PPP3CA: variants seen among roughly 807,000 people sequenced by gnomAD.
The protein encoded by PPP3CA is protein phosphatase 3 catalytic subunit alpha, also known as CAM-PRP catalytic subunit.
A neutral mutation model predicts 66.5 loss-of-function variants in PPP3CA; 14 were observed. The observed-to-expected ratio is 0.21, with a 90% CI of 0.14 to 0.33. PPP3CA has a LOEUF of 0.33. Ranked by LOEUF, PPP3CA falls within the 10% of genes least tolerant of loss-of-function variation. PPP3CA has a pLI of 1.00. For synonymous variants in PPP3CA, 232 were observed against 226.2 expected, an observed-to-expected ratio of 1.03 and a Z score of -0.23; for missense variants, 317 against 639.5, an observed-to-expected ratio of 0.50 and a Z score of 5.44.
At chr4:101,269,990 G>A (rs184277305) in intron 1 of PPP3CA, among the ~76,000 whole-genome samples, 2 of 152,166 alleles carry the variant, frequency 1.3e-5, no homozygotes, top group Non-Finnish European at 2.9e-5. Flanking sequence ...AATGTTAGAA[G>A]GAGTTCCTAC....
At chr4:101,330,161 A>C in intron 1 of PPP3CA, 2 of 368,858 alleles carry the variant, frequency 5.4e-6, no homozygotes, top group Non-Finnish European at 1.1e-5. Context: ...CATTAACAAG[A>C]GTTTGAAATA....
chr4:101,347,157 C>T lies in PPP3CA; in HGVS notation c.-361G>A, dbSNP rs1002567063. The T allele has an allele frequency of 4.9e-6, 2 of 407,108 alleles. No individual in the cohort carries two copies. The highest frequency in any genetic ancestry group is 4.5e-6 in the Non-Finnish European group (1 of 222,572). The allele number at this position is 407,108 out of a possible 1,614,324, so 25.2% of individuals were successfully genotyped here. On this transcript the variant is annotated 5_prime_UTR_variant, in exon 1 of 14. Transcript: ENST00000394854. Reference sequence around the variant, plus strand: ...GCGCACACACGAGCACCCACCCCGGCACGGAGACCCAGCACCGCGGAATGG... The same window carrying T: ...GCGCACACACGAGCACCCACCCCGGTACGGAGACCCAGCACCGCGGAATGG...
chr4:101,033,290 ACAAACACACACACACAC>A (rs1560571184), intron 11 of PPP3CA, among the ~76,000 whole-genome samples: 37 of 88,590 alleles, frequency 4.2e-4, no homozygotes, highest in African/African-American at 1.4e-3. Flanking sequence ...ACACACACAC[ACAAACACACACACACAC>A]ACACACACAC....
chr4:101,048,178 A>C (rs1188299644), intron 10 of PPP3CA, among the ~76,000 whole-genome samples: 1 of 152,142 alleles, frequency 6.6e-6, no homozygotes, highest in Admixed American at 6.6e-5. Context: ...TTTGAGAAAG[A>C]GGAGGCGGGA....
chr4:101,249,478 G>A (rs1459331498), intron 1 of PPP3CA, among the ~76,000 whole-genome samples: 2 of 150,630 alleles, frequency 1.3e-5, no homozygotes, highest in Non-Finnish European at 3.0e-5. Context: ...GGAAAGACGT[G>A]TGTGTGTGTG....
chr4:101,341,118 G>A (rs1283103071), intron 1 of PPP3CA, among the ~76,000 whole-genome samples: 1 of 151,468 alleles, frequency 6.6e-6, no homozygotes, highest in East Asian at 1.9e-4. Flanking sequence ...ATTTTACATA[G>A]TTAATTATTT....
At position 101,094,644 on chromosome 4, in the gene PPP3CA, A is replaced by G. The variant is rs116615672; in HGVS notation, c.643-729T>C. ...TCTTCAGTTCACAGTTCTAAGCTTT[A>G]TAATTTTACCTGAAGCCTTCATATG... is the stretch of plus-strand genomic sequence containing the variant. On this transcript the variant is annotated intron_variant, in intron 5 of 13. Coordinates refer to ENST00000394854, the MANE Select transcript of PPP3CA (RefSeq NM_000944.5). Among the ~76,000 whole-genome samples, 1,349 of 152,292 alleles carry G rather than the reference A, an allele frequency of 8.9e-3. 25 individuals are homozygous for G. Among genetic ancestry groups the G allele is most frequent in the African/African-American group, 0.031 (1,293 of 41,566 alleles).
At chr4:101,089,991 A>T (rs1217352932) in intron 6 of PPP3CA, among the ~76,000 whole-genome samples, 2 of 152,220 alleles carry the variant, frequency 1.3e-5, no homozygotes, top group Non-Finnish European at 2.9e-5. Flanking sequence ...TAAACACACA[A>T]ACTACACATA....
chr4:101,224,874 C>T (rs750051434), intron 1 of PPP3CA, among the ~76,000 whole-genome samples: 1 of 151,732 alleles, frequency 6.6e-6, no homozygotes, highest in Non-Finnish European at 1.5e-5. Context: ...AGCCAAAGCC[C>T]TCACAAGGTA....
In PPP3CA at chr4:101,298,841, CTGTGTGTGTGTGTG is replaced by C. The variant is rs57507050; in HGVS notation, c.58+47884_58+47897del. ...AGTCCCCAAATTGTTCAAGGGTCTACTGTGTGTGTGTGTGTGTGTGTGTGTGTGTGTGTGTGTGT... is the reference window on the plus strand; with the variant it reads ...AGTCCCCAAATTGTTCAAGGGTCTACTGTGTGTGTGTGTGTGTGTGTGTGT... On this transcript the variant is annotated intron_variant, in intron 1 of 13. Transcript: ENST00000394854. 8.6e-3 allele frequency among the ~76,000 whole-genome samples: 1,203 copies of C among 140,080 alleles called. 13 individuals carry two copies. Among genetic ancestry groups the C allele is most frequent in the African/African-American group, 0.029 (1,116 of 38,308 alleles). The allele number at this position is 140,080 out of a possible 152,430, so 91.9% of individuals were successfully genotyped here. A position where few individuals can be genotyped will look rare whatever the true frequency, so the allele number is the denominator to read the frequency against.
chr4:101,063,418 C>A, intron 8 of PPP3CA, 61 bp from the exon 9 acceptor site: 1 of 1,522,146 alleles, frequency 6.6e-7, no homozygotes, highest in African/African-American at 1.4e-5. Flanking sequence ...CTATGTATGG[C>A]TTTAGCTCAT....
intron 2 of PPP3CA, among the ~76,000 whole-genome samples, chr4:101,130,635 T>A (rs1384332372): frequency 3.3e-5 from 5 of 151,874 alleles, no homozygotes; most frequent in African/African-American, 1.2e-4. Context: ...CCCAGAATTT[T>A]ATATCCAGCC....
chr4:101,217,844 T>C (rs942630333), intron 1 of PPP3CA, among the ~76,000 whole-genome samples: 3 of 152,060 alleles, frequency 2.0e-5, no homozygotes, highest in African/African-American at 7.2e-5. Context: ...AGTGTCTGGA[T>C]GAGGCAGAAA....
intron 11 of PPP3CA, among the ~76,000 whole-genome samples, chr4:101,035,288 AC>A (rs1207977372): frequency 1.3e-5 from 2 of 151,050 alleles, no homozygotes; most frequent in Non-Finnish European, 2.9e-5. Flanking sequence ...AAACAAAAAA[AC>A]AAAACCCCCC....
At chr4:101,199,404 G>A (rs932991213) in intron 1 of PPP3CA, among the ~76,000 whole-genome samples, 2 of 152,148 alleles carry the variant, frequency 1.3e-5, no homozygotes, top group African/African-American at 4.8e-5. Context: ...AATTACGTTT[G>A]TGCACATTAG....
chr4:101,093,699 TA>T, intron 6 of PPP3CA, 76 bp downstream of exon 6: 2 of 1,340,564 alleles, frequency 1.5e-6, no homozygotes, highest in African/African-American at 1.5e-5. Context: ...ACATTATAAA[TA>T]AATCAAACAC....
intron 10 of PPP3CA, among the ~76,000 whole-genome samples, chr4:101,045,037 T>C (rs1044896189): frequency 3.3e-5 from 5 of 152,220 alleles, no homozygotes; most frequent in African/African-American, 1.2e-4. Context: ...GACTTCCAGC[T>C]CAGTTACCAC....
Position 101,056,055 on chromosome 4 carries a change from T to C in PPP3CA, c.1156+5032A>G, listed in dbSNP as rs572494095. ...CACTGAATGAACAAGATTTCAAACA[T>C]TGTAACCACATGTGGTGGGAAGTTT... On this transcript the variant is annotated intron_variant, in intron 10 of 13. Coordinates refer to ENST00000394854, the MANE Select transcript of PPP3CA (RefSeq NM_000944.5). 3.9e-5 allele frequency among the ~76,000 whole-genome samples: 6 copies of C among 152,134 alleles called. No homozygotes were observed. In the South Asian group the frequency reaches 1.0e-3, roughly 26 times the overall value.
intron 1 of PPP3CA, among the ~76,000 whole-genome samples, chr4:101,232,414 A>C (rs549942492): frequency 4.4e-4 from 67 of 151,794 alleles, no homozygotes; most frequent in African/African-American, 1.6e-3. Context: ...CAAAGTTGGA[A>C]TTATTTTCTT....
Sources: allele counts gnomAD v4.1 joint callset (sites outside exome capture counted in the v4.1 genomes callset), GRCh38; gene constraint gnomAD v4.1.1; transcripts MANE v1.5; gene names NCBI Gene and HGNC (gene_info 2026-07-23, HGNC 2026-07-21).